Variants in SPMIP2 observed in about 807,000 individuals in gnomAD.
SPMIP2 encodes protein SPMIP2.
At chr4:159,079,919 G>C in the SPMIP2 span, among the ~76,000 whole-genome samples, 1 of 151,988 alleles carries the variant, frequency 6.6e-6, no homozygotes, top group Non-Finnish European at 1.5e-5. Flanking sequence ...AATTTTAATT[G>C]TATTATTTAT....
the SPMIP2 span, among the ~76,000 whole-genome samples, chr4:158,964,107 A>G: frequency 6.6e-6 from 1 of 151,492 alleles, no homozygotes; most frequent in Admixed American, 6.6e-5. Context: ...GTGAGCCGAG[A>G]TTGAGCCACT....
chr4:159,082,445 T>TGTGTG, the SPMIP2 span, among the ~76,000 whole-genome samples: 1 of 130,410 alleles, frequency 7.7e-6, no homozygotes, highest in Non-Finnish European at 1.7e-5. Context: ...AATTCCACTT[T>TGTGTG]TCTCTGTGTG....
the SPMIP2 span, among the ~76,000 whole-genome samples, chr4:159,013,411 A>G: frequency 6.6e-6 from 1 of 152,242 alleles, no homozygotes; most frequent in Non-Finnish European, 1.5e-5. Flanking sequence ...CTTAAACAAC[A>G]GAAATTTATC....
chr4:158,977,597 GTTCT>G, the SPMIP2 span, among the ~76,000 whole-genome samples: 2 of 74,602 alleles, frequency 2.7e-5, no homozygotes, highest in African/African-American at 4.6e-5. Flanking sequence ...ATCTCCTTCA[GTTCT>G]TTTTTTTTTT....
the SPMIP2 span, among the ~76,000 whole-genome samples, chr4:158,988,764 C>T: frequency 6.6e-6 from 1 of 152,056 alleles, no homozygotes; most frequent in African/African-American, 2.4e-5. Flanking sequence ...TTATGACAAA[C>T]CCACAGCCAA....
At chr4:158,901,961 T>C in the SPMIP2 span, among the ~76,000 whole-genome samples, 6 of 152,036 alleles carry the variant, frequency 3.9e-5, no homozygotes, top group African/African-American at 1.4e-4. Flanking sequence ...GAGTTTGTTA[T>C]TACCCACCTT....
the SPMIP2 span, among the ~76,000 whole-genome samples, chr4:158,988,914 G>A: frequency 6.6e-6 from 1 of 152,044 alleles, no homozygotes; most frequent in Non-Finnish European, 1.5e-5. Context: ...AGAAATAAAG[G>A]GTATTCACAT....
chr4:158,942,525 T>G, the SPMIP2 span, among the ~76,000 whole-genome samples: 1 of 152,152 alleles, frequency 6.6e-6, no homozygotes, highest in African/African-American at 2.4e-5. Context: ...TCCCAGCACT[T>G]TGGGAGGCCA....
At chr4:158,923,502 T>C in the SPMIP2 span, among the ~76,000 whole-genome samples, 1 of 151,872 alleles carries the variant, frequency 6.6e-6, no homozygotes, top group Admixed American at 6.6e-5. Flanking sequence ...AATGAAATTG[T>C]TTTAATTTCA....
At chr4:158,916,936 C>T in the SPMIP2 span, among the ~76,000 whole-genome samples, 15 of 152,096 alleles carry the variant, frequency 9.9e-5, no homozygotes, top group African/African-American at 3.6e-4. Flanking sequence ...GAGTCACCAC[C>T]CAGCCTGTCT....
the SPMIP2 span, among the ~76,000 whole-genome samples, chr4:159,022,074 G>A: frequency 9.3e-4 from 142 of 152,298 alleles, 1 homozygote; most frequent in Middle Eastern, 0.027. Context: ...TGAAAAGAGG[G>A]TGGTGATAGC....
At chr4:159,017,101 T>C in the SPMIP2 span, among the ~76,000 whole-genome samples, 4 of 152,082 alleles carry the variant, frequency 2.6e-5, no homozygotes, top group African/African-American at 9.7e-5. Flanking sequence ...AAAGTAGTAG[T>C]AGAGAAATGT....
the SPMIP2 span, chr4:158,937,428 A>C: frequency 1.3e-5 from 2 of 154,436 alleles, no homozygotes; most frequent in Non-Finnish European, 2.9e-5. Flanking sequence ...AATTTTAGCG[A>C]TCAAAATCCA....
At chr4:159,050,045 C>T in the SPMIP2 span, among the ~76,000 whole-genome samples, 4 of 152,094 alleles carry the variant, frequency 2.6e-5, no homozygotes, top group African/African-American at 7.2e-5. Flanking sequence ...AAAAGGTGCC[C>T]GTTAGTGTCA....
At chr4:159,066,589 T>TTTTA in the SPMIP2 span, among the ~76,000 whole-genome samples, 6 of 76,614 alleles carry the variant, frequency 7.8e-5, no homozygotes, top group South Asian at 8.8e-4. Context: ...TGTGTGTATT[T>TTTTA]TATATATATA....
chr4:158,909,535 C>G, the SPMIP2 span: 2 of 151,322 alleles, frequency 1.3e-5, no homozygotes, highest in South Asian at 2.1e-4. Flanking sequence ...TGTATGTTAC[C>G]TCATTTAATC....
chr4:158,950,217 T>C, the SPMIP2 span, among the ~76,000 whole-genome samples: 1 of 152,260 alleles, frequency 6.6e-6, no homozygotes, highest in South Asian at 2.1e-4. Context: ...ATCATTTCTT[T>C]CTAGAATGGT....
At chr4:159,054,501 C>G in the SPMIP2 span, among the ~76,000 whole-genome samples, 2 of 152,120 alleles carry the variant, frequency 1.3e-5, 1 homozygote, top group South Asian at 4.1e-4. Context: ...TCACTCCCCA[C>G]CACACTGGAA....
At chr4:158,942,379 C>A in the SPMIP2 span, among the ~76,000 whole-genome samples, 1 of 152,194 alleles carries the variant, frequency 6.6e-6, no homozygotes, top group African/African-American at 2.4e-5. Context: ...TTCCACTGCA[C>A]CCTCTAAAAT....
Sources: allele counts gnomAD v4.1 joint callset (sites outside exome capture counted in the v4.1 genomes callset), GRCh38; gene constraint gnomAD v4.1.1; transcripts MANE v1.5; gene names NCBI Gene and HGNC (gene_info 2026-07-23, HGNC 2026-07-21).